TOP6BL: variants seen among roughly 807,000 people sequenced by gnomAD.
TOP6BL encodes TOP6B like initiator of meiotic double strand breaks, also known as type 2 DNA topoisomerase 6 subunit B-like.
the TOP6BL span, among the ~76,000 whole-genome samples, chr11:66,789,041 CT>C: frequency 1.3e-5 from 2 of 152,172 alleles, no homozygotes; most frequent in Non-Finnish European, 2.9e-5. Context: ...AACACAGTCA[CT>C]TTGGGGCTTA....
chr11:66,763,711 C>G, the TOP6BL span, among the ~76,000 whole-genome samples: 1 of 152,134 alleles, frequency 6.6e-6, no homozygotes, highest in Non-Finnish European at 1.5e-5. Flanking sequence ...CTTGAGCCAT[C>G]CTCCAGCCTC....
chr11:66,756,795 T>A, the TOP6BL span, among the ~76,000 whole-genome samples: 16 of 152,230 alleles, frequency 1.1e-4, 1 homozygote, highest in South Asian at 3.1e-3. Context: ...CACTACAACC[T>A]CTGTTTCCTG....
At chr11:66,745,309 C>CGGGGGGGGGGG in the TOP6BL span, among the ~76,000 whole-genome samples, 2 of 11,804 alleles carry the variant, frequency 1.7e-4, no homozygotes, top group Non-Finnish European at 3.9e-4. Context: ...CGTTGCGGGG[C>CGGGGGGGGGGG]GGGGTGGGGG....
the TOP6BL span, chr11:66,758,302 C>CTTCTTTTTTT: frequency 4.5e-5 from 3 of 67,318 alleles, no homozygotes; most frequent in African/African-American, 1.4e-4. Context: ...TTTTCTTTTT[C>CTTCTTTTTTT]TTTTTTTTTT....
chr11:66,792,442 G>A, the TOP6BL span, among the ~76,000 whole-genome samples: 1 of 152,070 alleles, frequency 6.6e-6, no homozygotes, highest in African/African-American at 2.4e-5. Context: ...CCATACATAA[G>A]CATTGCTTGT....
chr11:66,803,854 GTTAT>G, the TOP6BL span: 2 of 584,568 alleles, frequency 3.4e-6, no homozygotes, highest in Non-Finnish European at 2.8e-6. Flanking sequence ...TGAGACATAA[GTTAT>G]TTATTCCAAC....
At chr11:66,843,350 T>TCGGGCC in the TOP6BL span, 1 of 1,438,162 alleles carries the variant, frequency 7.0e-7, no homozygotes, top group Non-Finnish European at 9.2e-7. Context: ...TGCTTCCGCG[T>TCGGGCC]CGGGCCCGGG....
At chr11:66,754,139 A>G in the TOP6BL span, among the ~76,000 whole-genome samples, 1 of 152,338 alleles carries the variant, frequency 6.6e-6, no homozygotes, top group South Asian at 2.1e-4. Context: ...TGTGGTCTCC[A>G]TTGTCACAAT....
At chr11:66,774,946 C>G in the TOP6BL span, among the ~76,000 whole-genome samples, 1 of 151,388 alleles carries the variant, frequency 6.6e-6, no homozygotes, top group African/African-American at 2.4e-5. Flanking sequence ...AACCCTGTCT[C>G]TACTCAAAAT....
chr11:66,762,225 G>A, the TOP6BL span: 1 of 600,048 alleles, frequency 1.7e-6, no homozygotes, highest in Non-Finnish European at 3.0e-6. Flanking sequence ...GGGCCCGCGA[G>A]GCCGCAGGGG....
chr11:66,821,488 C>T, the TOP6BL span, among the ~76,000 whole-genome samples: 6 of 152,012 alleles, frequency 3.9e-5, no homozygotes, highest in African/African-American at 1.2e-4. Context: ...GGGGTTTCAC[C>T]GTGGTCTCGA....
At chr11:66,783,470 C>T in the TOP6BL span, among the ~76,000 whole-genome samples, 1 of 152,306 alleles carries the variant, frequency 6.6e-6, no homozygotes, top group East Asian at 1.9e-4. Context: ...GGATCATCTT[C>T]TGACATTTAG....
At chr11:66,824,895 C>T in the TOP6BL span, among the ~76,000 whole-genome samples, 4 of 151,750 alleles carry the variant, frequency 2.6e-5, no homozygotes, top group South Asian at 4.2e-4. Flanking sequence ...TGAATAGTGC[C>T]GCAATAAACA....
At chr11:66,809,134 C>G in the TOP6BL span, among the ~76,000 whole-genome samples, 1 of 152,106 alleles carries the variant, frequency 6.6e-6, no homozygotes, top group African/African-American at 2.4e-5. Context: ...TTAGTAGAGA[C>G]GGGGTTTCAC....
At chr11:66,821,854 C>G in the TOP6BL span, 13 of 1,399,566 alleles carry the variant, frequency 9.3e-6, no homozygotes, top group Non-Finnish European at 1.2e-5. Context: ...AGCCCTTCCT[C>G]CCTTAATGCC....
At chr11:66,822,429 T>G in the TOP6BL span, 1 of 620,782 alleles carries the variant, frequency 1.6e-6, no homozygotes, top group African/African-American at 1.9e-5. Context: ...TATGTGAGGA[T>G]CTCAGTAACT....
chr11:66,806,163 T>G, the TOP6BL span, among the ~76,000 whole-genome samples: 1 of 152,122 alleles, frequency 6.6e-6, no homozygotes, highest in Non-Finnish European at 1.5e-5. Context: ...AGTGCTGTGT[T>G]TAGAGCATGG....
chr11:66,806,639 A>G, the TOP6BL span, among the ~76,000 whole-genome samples: 4 of 152,210 alleles, frequency 2.6e-5, no homozygotes, highest in East Asian at 7.7e-4. Context: ...ATGGTGGCAC[A>G]TGACTGTAGT....
chr11:66,764,496 C>CA, the TOP6BL span, among the ~76,000 whole-genome samples: 5,124 of 58,668 alleles, frequency 0.087, 240 homozygotes, highest in African/African-American at 0.2. Flanking sequence ...ACTAAAAATA[C>CA]AAAAAAAAAA....
Sources: allele counts gnomAD v4.1 joint callset (sites outside exome capture counted in the v4.1 genomes callset), GRCh38; gene constraint gnomAD v4.1.1; transcripts MANE v1.5; gene names NCBI Gene and HGNC (gene_info 2026-07-23, HGNC 2026-07-21).